Variants in TVP23A observed in about 807,000 individuals in gnomAD.
TVP23A encodes trans-golgi network vesicle protein 23 homolog A, also known as Golgi apparatus membrane protein TVP23 homolog A.
In TVP23A, 21 loss-of-function variants were observed where a neutral mutation model predicts 31.7. The observed-to-expected ratio is 0.66, with a 90% CI of 0.47 to 0.95. The LOEUF (loss-of-function observed/expected upper bound fraction) is 0.95. TVP23A is among the 40% of genes least tolerant of loss of function. The pLI, the probability that TVP23A is intolerant of heterozygous loss-of-function variation, is 0.00. For synonymous variants in TVP23A, 104 were observed against 96.0 expected (o/e 1.08, Z -0.49); for missense variants, 279 against 255.6 (o/e 1.09, Z -0.62).
chr16:10,774,796 A>T (rs2031886213), intron 3 of TVP23A, among the ~76,000 whole-genome samples, 156 bp downstream of exon 3: 1 of 152,048 alleles, frequency 6.6e-6, no homozygotes, highest in South Asian at 2.1e-4. Context: ...TTTTTAGTAG[A>T]GACGGGGTTT....
chr16:10,773,720 G>T (rs1186187382), intron 4 of TVP23A, among the ~76,000 whole-genome samples: 2 of 152,010 alleles, frequency 1.3e-5, no homozygotes, highest in East Asian at 3.9e-4. Flanking sequence ...ACAGGTGCCT[G>T]CCACCACGCC....
chr16:10,786,200 G>A (rs1280400084), intron 2 of TVP23A, among the ~76,000 whole-genome samples: 1 of 152,110 alleles, frequency 6.6e-6, no homozygotes, highest in African/African-American at 2.4e-5. Context: ...TAGTGATATG[G>A]GGGCCCCAAG....
At chr16:10,774,447 G>A (rs750156241) in intron 3 of TVP23A, among the ~76,000 whole-genome samples, 71 of 151,822 alleles carry the variant, frequency 4.7e-4, no homozygotes, top group Non-Finnish European at 1.0e-4. Flanking sequence ...TTGAATTGTC[G>A]CTTCCATAAT....
intron 2 of TVP23A, among the ~76,000 whole-genome samples, chr16:10,813,140 C>T (rs926442092): frequency 6.6e-6 from 1 of 152,190 alleles, no homozygotes; most frequent in Non-Finnish European, 1.5e-5. Flanking sequence ...CCAGCACCTG[C>T]CCCTGGCAGA....
At chr16:10,775,628 C>T in intron 2 of TVP23A, 1 of 825,412 alleles carries the variant, frequency 1.2e-6, no homozygotes, top group Non-Finnish European at 1.5e-6. Context: ...CACGTGAATC[C>T]TGGCATTTAA....
chr16:10,809,926 G>A lies in TVP23A; in HGVS notation c.89+8177C>T, dbSNP rs181086238. On this transcript the variant is annotated intron_variant, in intron 2 of 7. Coordinates refer to ENST00000299866, the MANE Select transcript of TVP23A (RefSeq NM_001079512.4). Reference sequence around the variant, plus strand: ...AAAATGTATGCCCCAAAAAAAGCACGTACATAAACATTCATAGCAACATTA... The same window carrying A: ...AAAATGTATGCCCCAAAAAAAGCACATACATAAACATTCATAGCAACATTA... Among the ~76,000 whole-genome samples the A allele has an allele frequency of 4.6e-5, 7 of 152,246 alleles. No individual in the cohort carries two copies. The East Asian group carries it at 5.8e-4, about 13-fold the overall frequency.
chr16:10,786,726 CATTGGGA>C, intron 2 of TVP23A, among the ~76,000 whole-genome samples: 1 of 924 alleles, frequency 1.1e-3, no homozygotes, highest in Non-Finnish European at 2.3e-3. Flanking sequence ...TGGGGATGGG[CATTGGGA>C]ACCTGGTGAT....
rs112525445 is a variant in TVP23A, at chr16:10,810,652, G to C, written c.89+7451C>G. Among the ~76,000 whole-genome samples, 1,047 of 152,142 alleles carry C rather than the reference G, an allele frequency of 6.9e-3. 9 individuals carry two copies. The highest frequency in any genetic ancestry group is 0.023 in the African/African-American group (974 of 41,504). Reference sequence around the variant, plus strand: ...TTGAGGGCCTGAATACGACAACAAAGAAAGGAAGAGGGAATTTCCTCTCCC... The same window carrying C: ...TTGAGGGCCTGAATACGACAACAAACAAAGGAAGAGGGAATTTCCTCTCCC... On this transcript the variant is annotated intron_variant, in intron 2 of 7. Transcript: ENST00000299866.
rs1393364288 is a variant in TVP23A at position 10,805,436 on chromosome 16, C to T, written c.89+12667G>A. Among the ~76,000 whole-genome samples, 5 of 151,740 alleles carry T rather than the reference C, an allele frequency of 3.3e-5. No individual in the cohort carries two copies. In the East Asian group the frequency reaches 9.6e-4, roughly 29 times the overall value. ...GGCTTGGAGTCAGTTGGCTGACTGT[C>T]ACTTTGCAACTTTTATTCTAAAGTA... On this transcript the variant is annotated intron_variant, in intron 2 of 7. Transcript: ENST00000299866.
intron 2 of TVP23A, among the ~76,000 whole-genome samples, chr16:10,808,011 C>T (rs952040322): frequency 1.3e-5 from 2 of 152,176 alleles, no homozygotes; most frequent in African/African-American, 4.8e-5. Context: ...CCGTGTCAGG[C>T]TCAAATCCCT....
At chr16:10,778,662 A>G (rs1367506300) in intron 2 of TVP23A, among the ~76,000 whole-genome samples, 1 of 101,782 alleles carries the variant, frequency 9.8e-6, no homozygotes, top group African/African-American at 6.7e-5. Flanking sequence ...ATACAAATGT[A>G]AAAAAAAAAA....
intron 2 of TVP23A, among the ~76,000 whole-genome samples, chr16:10,776,028 C>A (rs1248815360): frequency 1.3e-5 from 2 of 151,396 alleles, no homozygotes; most frequent in African/African-American, 2.4e-5. Flanking sequence ...GGATTACAGG[C>A]ATAAGCAACC....
In TVP23A at chr16:10,768,984, G is replaced by T; in HGVS notation, c.*118C>A. The stretch of plus-strand genomic sequence containing the variant: ...TCAAAACACAGCCCTCCCCAGCACA[G>T]GACAGGGCTGTCAAGGGGTAGACAA... On this transcript the variant is annotated 3_prime_UTR_variant, in exon 8 of 8. Coordinates refer to ENST00000299866, the MANE Select transcript of TVP23A (RefSeq NM_001079512.4). The surrounding 1 kb of genome is among the most constrained non-coding windows in gnomAD (Gnocchi z 4.3). 1 of 1,484,092 alleles carries T rather than the reference G, an allele frequency of 6.7e-7. No homozygotes were observed. Among genetic ancestry groups the T allele is most frequent in the South Asian group, 1.1e-5 (1 of 88,224 alleles). 91.9% of individuals were successfully genotyped at this position (1,484,092 alleles called of 1,614,324 possible).
chr16:10,791,642 C>T (rs543581026), intron 2 of TVP23A, among the ~76,000 whole-genome samples: 1 of 152,284 alleles, frequency 6.6e-6, no homozygotes, highest in Non-Finnish European at 1.5e-5. Context: ...GAGTCTTGCT[C>T]TGTTGCCCAG....
intron 2 of TVP23A, among the ~76,000 whole-genome samples, chr16:10,810,903 G>C (rs181977868): frequency 1.3e-5 from 2 of 152,188 alleles, no homozygotes. Context: ...CAGATCGTGG[G>C]ACTTCTCAGT....
At chr16:10,816,082 G>C (rs1414957649) in intron 2 of TVP23A, among the ~76,000 whole-genome samples, 1 of 151,986 alleles carries the variant, frequency 6.6e-6, no homozygotes. Context: ...TAAAAAATTA[G>C]CCTGGCATGG....
rs1175937958 is a variant in TVP23A, at chr16:10,767,876, A to G, written c.*1226T>C. 2.2e-6 allele frequency: 3 copies of G among 1,377,104 alleles called. No homozygotes were observed. The highest frequency in any genetic ancestry group is 2.3e-5 in the East Asian group (1 of 43,682). 85.3% of individuals were successfully genotyped at this position (1,377,104 alleles called of 1,614,324 possible). A position where few individuals can be genotyped will look rare whatever the true frequency, so the allele number is the denominator to read the frequency against. ...TCTTCCCATTGTCACCAGCACGGAA[A>G]GAGCCCCAAGATCTTGTGGCCATTC... is the stretch of plus-strand genomic sequence containing the variant. On this transcript the variant is annotated 3_prime_UTR_variant, in exon 8 of 8. Transcript: ENST00000299866. The surrounding 1 kb of genome is among the most constrained non-coding windows in gnomAD (Gnocchi z 4.6).
intron 2 of TVP23A, among the ~76,000 whole-genome samples, chr16:10,783,921 G>C (rs561056779): frequency 1.4e-3 from 210 of 152,310 alleles, no homozygotes; most frequent in African/African-American, 4.8e-3. Flanking sequence ...GTGGTTGCCA[G>C]GAGTTCCAGA....
At chr16:10,793,255 G>A (rs1456818351) in intron 2 of TVP23A, among the ~76,000 whole-genome samples, 2 of 152,068 alleles carry the variant, frequency 1.3e-5, no homozygotes, top group Non-Finnish European at 2.9e-5. Context: ...CAGCCTGGGC[G>A]ACACAGCAAG....
Sources: gnomAD v4.1 joint callset for allele counts (sites outside exome capture counted in the v4.1 genomes callset) on GRCh38, gnomAD v4.1.1 for gene constraint, Gnocchi (gnomAD v3.1) non-coding constraint, MANE v1.5 for transcripts, NCBI Gene and HGNC (gene_info 2026-07-23, HGNC 2026-07-21) for gene names.